The following SYN3 variants were observed in gnomAD, a reference collection of about 807,000 sequenced individuals.
SYN3 encodes the protein synapsin-3.
Under a neutral mutation model 65.8 loss-of-function variants are expected in SYN3, and 35 were observed. The ratio of observed to expected loss-of-function variants is 0.53; its 90% CI spans 0.41 to 0.70. The LOEUF is 0.70. SYN3 is among the 30% of genes least tolerant of loss of function. SYN3 has a pLI of 0.00. For missense variants in SYN3, 680 were observed against 749.0 expected, an observed-to-expected ratio of 0.91 and a Z score of 1.08; for synonymous variants, 270 against 292.9, an observed-to-expected ratio of 0.92 and a Z score of 0.80.
chr22:32,782,956 G>A (rs2046107012), intron 6 of SYN3, among the ~76,000 whole-genome samples: 1 of 152,220 alleles, frequency 6.6e-6, no homozygotes, highest in Non-Finnish European at 1.5e-5. Flanking sequence ...CTATTGAGAG[G>A]AGTTAGTTAA....
intron 7 of SYN3, among the ~76,000 whole-genome samples, chr22:32,574,369 C>T (rs2058823097): frequency 6.6e-6 from 1 of 152,092 alleles, no homozygotes; most frequent in Non-Finnish European, 1.5e-5. Context: ...GTCCCAGCTA[C>T]TTGGGTGGCT....
chr22:32,971,058 C>T (rs1253340017), intron 3 of SYN3, among the ~76,000 whole-genome samples: 1 of 152,212 alleles, frequency 6.6e-6, no homozygotes, highest in East Asian at 1.9e-4. Flanking sequence ...GAATGAGTTA[C>T]TGCATGGAAA....
At chr22:32,952,324 G>T (rs2051315985) in intron 3 of SYN3, among the ~76,000 whole-genome samples, 1 of 151,360 alleles carries the variant, frequency 6.6e-6, no homozygotes, top group Non-Finnish European at 1.5e-5. Flanking sequence ...GGACAGGCAG[G>T]GTGGGGAGGG....
chr22:32,687,295 T>G (rs1163949514), intron 6 of SYN3, among the ~76,000 whole-genome samples: 1 of 152,080 alleles, frequency 6.6e-6, no homozygotes, highest in Admixed American at 6.6e-5. Context: ...GCCGAGTAGC[T>G]GGGATTACAA....
At chr22:32,584,741 T>C (rs2146514448) in intron 7 of SYN3, among the ~76,000 whole-genome samples, 1 of 152,192 alleles carries the variant, frequency 6.6e-6, no homozygotes, top group Admixed American at 6.5e-5. Context: ...CAGAGGGTGG[T>C]ATTCTTTCTT....
At chr22:32,829,168 C>T (rs1185000679) in intron 6 of SYN3, among the ~76,000 whole-genome samples, 2 of 152,188 alleles carry the variant, frequency 1.3e-5, no homozygotes, top group South Asian at 2.1e-4. Flanking sequence ...TAGCAGCTCC[C>T]CCATCCCATT....
At chr22:32,921,570 G>A (rs1049866135) in intron 4 of SYN3, among the ~76,000 whole-genome samples, 2 of 152,128 alleles carry the variant, frequency 1.3e-5, no homozygotes, top group Admixed American at 6.5e-5. Flanking sequence ...AAATTCACTC[G>A]GTATAGAATC....
At chr22:32,934,452 A>G (rs896822413) in intron 3 of SYN3, among the ~76,000 whole-genome samples, 1 of 152,150 alleles carries the variant, frequency 6.6e-6, no homozygotes, top group Non-Finnish European at 1.5e-5. Context: ...ATTACAGGAG[A>G]TAACTGCCTG....
At chr22:32,777,578 T>C (rs2045939525) in intron 6 of SYN3, among the ~76,000 whole-genome samples, 1 of 152,184 alleles carries the variant, frequency 6.6e-6, no homozygotes, top group African/African-American at 2.4e-5. Flanking sequence ...CCTCATTCAC[T>C]GAGCTTCCTG....
rs1328136419 is a variant in SYN3, at chr22:33,009,091, T to C, written c.-162-2267A>G. 5.9e-5 allele frequency among the ~76,000 whole-genome samples: 9 copies of C among 152,006 alleles called. No homozygotes were observed. The East Asian group carries it at 7.7e-4, about 13-fold the overall frequency. On this transcript the variant is annotated intron_variant, in intron 1 of 13. Coordinates refer to ENST00000358763, the MANE Select transcript of SYN3 (RefSeq NM_003490.4). ...CTTTTTGTGGGGCTAGATAGATAGA[T>C]GATGAATGGATGGATGGATAAATTG...
At chr22:32,753,950 C>A (rs5998614) in intron 6 of SYN3, among the ~76,000 whole-genome samples, 19,223 of 152,244 alleles carry the variant, frequency 0.13, 1,248 homozygotes, top group Admixed American at 0.17. Context: ...TCTGAGAATA[C>A]GTAGGCAGCA....
chr22:32,887,520 C>T (rs1475712035), intron 4 of SYN3, among the ~76,000 whole-genome samples: 1 of 152,164 alleles, frequency 6.6e-6, no homozygotes, highest in Non-Finnish European at 1.5e-5. Flanking sequence ...GCCAGTTGAG[C>T]TTCCAGATAA....
rs78578419 is a variant in SYN3 at position 32,890,072 on chromosome 22, C to T, written c.462-20947G>A. Among the ~76,000 whole-genome samples, 91 of 58,256 alleles carry T rather than the reference C, an allele frequency of 1.6e-3. 1 individual carries two copies. Among genetic ancestry groups the T allele is most frequent in the African/African-American group, 3.5e-3 (51 of 14,604 alleles). 38.2% of individuals were successfully genotyped at this position (58,256 alleles called of 152,430 possible). On this transcript the variant is annotated intron_variant, in intron 4 of 13. Transcript: ENST00000358763. ...TTGGGTAATTATTGAGATTTAGCTG[C>T]TTTTTTTTTTTTTTTTTTTTTTTGA...
chr22:32,930,500 C>T (rs535419016), intron 4 of SYN3, among the ~76,000 whole-genome samples: 1 of 152,196 alleles, frequency 6.6e-6, no homozygotes, highest in South Asian at 2.1e-4. Context: ...GACTAATATA[C>T]CAAACATGCA....
chr22:32,701,771 A>C (rs2060813201), intron 6 of SYN3, among the ~76,000 whole-genome samples: 1 of 152,226 alleles, frequency 6.6e-6, no homozygotes, highest in African/African-American at 2.4e-5. Context: ...TGCCGCAGTG[A>C]GCTGTGGAAC....
intron 6 of SYN3, among the ~76,000 whole-genome samples, chr22:32,608,233 A>G (rs1383686730): frequency 6.6e-6 from 1 of 152,014 alleles, no homozygotes; most frequent in Non-Finnish European, 1.5e-5. Flanking sequence ...ACGCCCAGCT[A>G]ATTTTTTTGT....
At chr22:32,544,357 C>T (rs576503334) in intron 7 of SYN3, among the ~76,000 whole-genome samples, 13 of 152,330 alleles carry the variant, frequency 8.5e-5, no homozygotes, top group Admixed American at 2.0e-4. Context: ...CCACCATTCT[C>T]CTCAACATGT....
chr22:32,763,151 G>A (rs1569205321), intron 6 of SYN3, among the ~76,000 whole-genome samples: 2 of 150,352 alleles, frequency 1.3e-5, no homozygotes, highest in African/African-American at 4.9e-5. Context: ...TTTTGTTGTT[G>A]TTGTTTTTTT....
In SYN3 at chr22:33,028,566, G is replaced by A. The variant is rs1035347146; in HGVS notation, c.-162-21742C>T. On this transcript the variant is annotated intron_variant, in intron 1 of 13. Coordinates refer to ENST00000358763, the MANE Select transcript of SYN3 (RefSeq NM_003490.4). The stretch of plus-strand genomic sequence containing the variant: ...GTCTCCAGGCTGGATGATCCATGAC[G>A]CTTGCTGGGCAGAGGAAGGGATTAA... Among the ~76,000 whole-genome samples, 10 of 151,852 alleles carry A rather than the reference G, an allele frequency of 6.6e-5. 1 individual carries two copies. Among genetic ancestry groups the A allele is most frequent in the East Asian group, 3.9e-4 (2 of 5,126 alleles).
Sources: gnomAD v4.1 joint callset for allele counts (sites outside exome capture counted in the v4.1 genomes callset) on GRCh38, gnomAD v4.1.1 for gene constraint, MANE v1.5 for transcripts, NCBI Gene and HGNC (gene_info 2026-07-23, HGNC 2026-07-21) for gene names.